The following ATG14 variants were observed in gnomAD, a reference collection of about 807,000 sequenced individuals.
The protein encoded by ATG14 is autophagy related 14, also known as beclin 1-associated autophagy-related key regulator.
In ATG14, 35 loss-of-function variants were observed where a neutral mutation model predicts 60.4. The observed-to-expected ratio is 0.58, with a 90% CI of 0.44 to 0.77. The LOEUF (loss-of-function observed/expected upper bound fraction) is 0.77, where lower values mean the gene tolerates loss of function less well. Ranked by LOEUF, ATG14 falls within the 30% of genes least tolerant of loss-of-function variation. ATG14 has a pLI of 0.00. For synonymous variants in ATG14, 234 were observed against 228.8 expected, an observed-to-expected ratio of 1.02 and a Z score of -0.21; for missense variants, 647 against 626.3, an observed-to-expected ratio of 1.03 and a Z score of -0.35.
chr14:55,398,242 C>T (rs111993118), intron 1 of ATG14, among the ~76,000 whole-genome samples: 10,608 of 152,134 alleles, frequency 0.07, 440 homozygotes, highest in South Asian at 0.11. Context: ...TGAGCCACCG[C>T]GCCCAGCATA....
intron 4 of ATG14, among the ~76,000 whole-genome samples, chr14:55,389,931 C>A (rs1204826942): frequency 1.3e-5 from 2 of 151,880 alleles, no homozygotes; most frequent in East Asian, 3.8e-4. Flanking sequence ...AAGATTAATA[C>A]AGATTACAAT....
At chr14:55,396,655 G>A (rs1273052304) in intron 2 of ATG14, among the ~76,000 whole-genome samples, 4 of 152,284 alleles carry the variant, frequency 2.6e-5, no homozygotes, top group African/African-American at 7.2e-5. Context: ...TGAGAGTTGG[G>A]CAGGGCGTGC....
intron 1 of ATG14, among the ~76,000 whole-genome samples, chr14:55,403,527 G>T (rs1402152141): frequency 6.6e-6 from 1 of 151,936 alleles, no homozygotes; most frequent in East Asian, 1.9e-4. Flanking sequence ...AAATAAAAGG[G>T]ATAGTCATAT....
At chr14:55,409,340 T>C (rs2140156187) in intron 1 of ATG14, among the ~76,000 whole-genome samples, 1 of 152,244 alleles carries the variant, frequency 6.6e-6, no homozygotes, top group Admixed American at 6.5e-5. Context: ...CTTTATTGAG[T>C]TTCTACTATG....
intron 3 of ATG14, chr14:55,394,833 C>T (rs80276999): frequency 3.3e-6 from 1 of 306,540 alleles, no homozygotes; most frequent in African/African-American, 2.2e-5. Context: ...AACTAACCCC[C>T]CAACTACGGA....
At chr14:55,396,600 A>G (rs1438373901) in intron 2 of ATG14, among the ~76,000 whole-genome samples, 2 of 152,188 alleles carry the variant, frequency 1.3e-5, no homozygotes, top group Non-Finnish European at 2.9e-5. Context: ...CCACGTTGGC[A>G]TGGTTTGGGG....
At chr14:55,376,713 C>T (rs1393417085) in intron 9 of ATG14, among the ~76,000 whole-genome samples, 2 of 152,160 alleles carry the variant, frequency 1.3e-5, no homozygotes, top group East Asian at 3.9e-4. Flanking sequence ...GGAAGGGAAA[C>T]CCAAAAGAAC....
intron 5 of ATG14, among the ~76,000 whole-genome samples, chr14:55,384,463 C>G (rs1420049699): frequency 6.6e-6 from 1 of 152,236 alleles, no homozygotes; most frequent in East Asian, 1.9e-4. Context: ...CTGCTAATAT[C>G]TCTTTTGGGG....
At chr14:55,384,240 A>C (rs925371276) in intron 5 of ATG14, among the ~76,000 whole-genome samples, 2 of 152,248 alleles carry the variant, frequency 1.3e-5, no homozygotes, top group African/African-American at 2.4e-5. Flanking sequence ...GTTTTTCTTC[A>C]TATTTTCTCC....
At chr14:55,375,490 A>AATTTTTTTTTTTTTTTTTTTTTTTTTTTT (rs1555341540) in intron 9 of ATG14, among the ~76,000 whole-genome samples, 1 of 117,798 alleles carries the variant, frequency 8.5e-6, no homozygotes, top group Non-Finnish European at 1.7e-5. Flanking sequence ...GCCGGGCTAA[A>AATTTTTTTTTTTTTTTTTTTTTTTTTTTT]TTTTTTTTTT....
chr14:55,411,072 G>A (rs975684768), intron 1 of ATG14, among the ~76,000 whole-genome samples: 22 of 152,162 alleles, frequency 1.4e-4, no homozygotes, highest in African/African-American at 5.3e-4. Context: ...GCAGGGAGGG[G>A]AAAGGGGCGT....
chr14:55,369,885 T>A lies in ATG14; in HGVS notation c.1213A>T (p.Met405Leu). 1 of 1,614,082 alleles carries A rather than the reference T, an allele frequency of 6.2e-7. No individual in the cohort carries two copies. The highest frequency in any genetic ancestry group is 2.2e-5 in the East Asian group (1 of 44,890). The change falls in exon 10 of 10, where the codon ATG (methionine) becomes TTG (leucine). Residue 405 changes from methionine (M) to leucine (L), a missense_variant. Met to Leu is a conservative substitution (Grantham distance 15). Coordinates refer to ENST00000247178, the MANE Select transcript of ATG14 (RefSeq NM_014924.5). ...GCAACTCCGGGATCCACAAATTCCATGGACTCCTCAAGGTCTGCTCGTACT... is the reference window on the plus strand; with the variant it reads ...GCAACTCCGGGATCCACAAATTCCAAGGACTCCTCAAGGTCTGCTCGTACT... ...FEVRADLEES[M>L]EFVDPGVAGE...
rs774351489 is a variant in ATG14 at position 55,369,811 on chromosome 14, G to A, written c.1287C>T (p.Thr429=). 1.2e-6 allele frequency: 2 copies of A among 1,614,158 alleles called. No homozygotes were observed. The highest frequency in any genetic ancestry group is 1.7e-6 in the Non-Finnish European group (2 of 1,180,024). The change falls in exon 10 of 10, where the codon ACC becomes ACT. Residue 429 remains threonine, a synonymous_variant. Coordinates refer to ENST00000247178, the MANE Select transcript of ATG14 (RefSeq NM_014924.5). ...SGDERVSDEE[T]DLGTDWENLP... is the part of the protein sequence containing the mutation. ...AGTTCTCCCAGTCTGTGCCCAGGTC[G>A]GTTTCTTCATCGCTGACGCGCTCAT...
chr14:55,389,475 T>C (rs930471191), intron 4 of ATG14, among the ~76,000 whole-genome samples: 1 of 152,202 alleles, frequency 6.6e-6, no homozygotes, highest in Admixed American at 6.5e-5. Flanking sequence ...CGTGAGCACT[T>C]TATTAGGACA....
At chr14:55,393,068 C>T (rs144265380) in intron 3 of ATG14, among the ~76,000 whole-genome samples, 2,010 of 152,300 alleles carry the variant, frequency 0.013, 73 homozygotes, top group Non-Finnish European at 0.01. Context: ...AAATTCACTT[C>T]TATCACAAAT....
At chr14:55,369,976 C>T in intron 9 of ATG14, 51 bp from the exon 10 acceptor site, 2 of 1,512,200 alleles carry the variant, frequency 1.3e-6, no homozygotes, top group Non-Finnish European at 8.9e-7. Context: ...TTCTCAACAC[C>T]AGAAAATATG....
At chr14:55,387,158 A>G (rs1243146170) in intron 4 of ATG14, among the ~76,000 whole-genome samples, 1 of 152,042 alleles carries the variant, frequency 6.6e-6, no homozygotes, top group Non-Finnish European at 1.5e-5. Context: ...AATTATAGTC[A>G]ATGCTCAGTG....
intron 3 of ATG14, chr14:55,395,002 T>C: frequency 2.2e-6 from 1 of 458,578 alleles, no homozygotes; most frequent in Non-Finnish European, 4.4e-6. Context: ...TAGTTTCTTG[T>C]TTTCTGCAGG....
intron 1 of ATG14, among the ~76,000 whole-genome samples, chr14:55,399,384 A>G (rs890995570): frequency 6.6e-6 from 1 of 152,228 alleles, no homozygotes; most frequent in African/African-American, 2.4e-5. Flanking sequence ...ATCATTGTGG[A>G]AAGTTCTACT....
Sources: allele counts gnomAD v4.1 joint callset (sites outside exome capture counted in the v4.1 genomes callset), GRCh38; gene constraint gnomAD v4.1.1; transcripts MANE v1.5; gene names NCBI Gene and HGNC (gene_info 2026-07-23, HGNC 2026-07-21).